OTOP1: variants seen among roughly 807,000 people sequenced by gnomAD.
The protein encoded by OTOP1 is otopetrin 1.
In OTOP1, 59 loss-of-function variants were observed where a neutral mutation model predicts 52.9. The ratio of observed to expected loss-of-function variants is 1.12; its 90% CI spans 0.91 to 1.39. OTOP1 has a LOEUF of 1.39. Among genes scored for constraint, OTOP1 ranks in the 40% most tolerant of loss-of-function variants. OTOP1 has a pLI of 0.00. For synonymous variants in OTOP1, 317 were observed against 337.7 expected (o/e 0.94, Z 0.67); for missense variants, 761 against 800.9 (o/e 0.95, Z 0.60).
At chr4:4,202,896 C>T (rs1716821981) in intron 3 of OTOP1, among the ~76,000 whole-genome samples, 1 of 152,206 alleles carries the variant, frequency 6.6e-6, no homozygotes, top group Non-Finnish European at 1.5e-5. Context: ...AGCAGACAAC[C>T]CACCCCACCA....
At chr4:4,213,069 T>G in intron 1 of OTOP1, 65 bp from the exon 2 acceptor site, 2 of 1,556,162 alleles carry the variant, frequency 1.3e-6, no homozygotes, top group Non-Finnish European at 1.8e-6. Context: ...TGATGTCATT[T>G]CAAAATAAAT....
chr4:4,221,049 T>C (rs1350092673), intron 1 of OTOP1, among the ~76,000 whole-genome samples: 1 of 14,998 alleles, frequency 6.7e-5, no homozygotes, highest in Non-Finnish European at 1.7e-4. Context: ...TATTCTATTT[T>C]ATTTTATTTT....
At chr4:4,198,902 C>G (rs1208052176) in intron 4 of OTOP1, among the ~76,000 whole-genome samples, 1 of 152,172 alleles carries the variant, frequency 6.6e-6, no homozygotes, top group Non-Finnish European at 1.5e-5. Flanking sequence ...ATCAAAGAGT[C>G]AGGTAAGGCC....
At chr4:4,204,079 G>C (rs7685199) in intron 3 of OTOP1, among the ~76,000 whole-genome samples, 1 of 152,160 alleles carries the variant, frequency 6.6e-6, no homozygotes, top group African/African-American at 2.4e-5. Context: ...TGGTGCAACC[G>C]CATCCTCAAC....
At chr4:4,195,329 T>C (rs1171661353) in intron 5 of OTOP1, among the ~76,000 whole-genome samples, 1 of 152,242 alleles carries the variant, frequency 6.6e-6, no homozygotes, top group African/African-American at 2.4e-5. Flanking sequence ...CCTGGTGAAC[T>C]TCCAGTCATT....
At chr4:4,205,848 C>T (rs1185137490) in intron 3 of OTOP1, among the ~76,000 whole-genome samples, 1 of 152,186 alleles carries the variant, frequency 6.6e-6, no homozygotes, top group Non-Finnish European at 1.5e-5. Flanking sequence ...GATGCAGATT[C>T]GGCTTCAAAA....
At chr4:4,207,830 A>G (rs185325873) in intron 2 of OTOP1, among the ~76,000 whole-genome samples, 6 of 152,346 alleles carry the variant, frequency 3.9e-5, no homozygotes, top group Non-Finnish European at 8.8e-5. Context: ...TCTGGGAGAC[A>G]GGTCTGTGCC....
At chr4:4,225,683 GCATCCA>G (rs1266349774) in intron 1 of OTOP1, among the ~76,000 whole-genome samples, 1 of 151,750 alleles carries the variant, frequency 6.6e-6, no homozygotes, top group Non-Finnish European at 1.5e-5. Context: ...GCCCCACCCT[GCATCCA>G]CGCATTCATT....
chr4:4,209,252 G>A (rs1560208571), intron 2 of OTOP1, among the ~76,000 whole-genome samples: 1 of 152,094 alleles, frequency 6.6e-6, no homozygotes, highest in East Asian at 1.9e-4. Context: ...GATATCTACA[G>A]GTTTGGCAGT....
chr4:4,220,066 C>G (rs1455590142), intron 1 of OTOP1, among the ~76,000 whole-genome samples: 1 of 123,492 alleles, frequency 8.1e-6, no homozygotes, highest in Non-Finnish European at 1.6e-5. Flanking sequence ...CGTGTATATA[C>G]ATATATATGT....
At chr4:4,218,960 A>T (rs1717211560) in intron 1 of OTOP1, among the ~76,000 whole-genome samples, 1 of 152,146 alleles carries the variant, frequency 6.6e-6, no homozygotes, top group Non-Finnish European at 1.5e-5. Context: ...TATGCATCTG[A>T]TTATGAGAGT....
chr4:4,203,144 T>C (rs1279147654), intron 3 of OTOP1, among the ~76,000 whole-genome samples: 1 of 152,276 alleles, frequency 6.6e-6, no homozygotes. Context: ...TTTAGTCTAA[T>C]GGGCACTACA....
At chr4:4,194,489 C>T (rs753651819) in intron 5 of OTOP1, among the ~76,000 whole-genome samples, 124 of 152,360 alleles carry the variant, frequency 8.1e-4, no homozygotes, top group Non-Finnish European at 3.1e-4. Context: ...TCCTCACTGC[C>T]TAGCAAACTG....
At chr4:4,194,000 C>G (rs1275334789) in intron 5 of OTOP1, among the ~76,000 whole-genome samples, 1 of 152,146 alleles carries the variant, frequency 6.6e-6, no homozygotes, top group Non-Finnish European at 1.5e-5. Context: ...CCACCCTGAC[C>G]AACCTAGTGA....
intron 1 of OTOP1, among the ~76,000 whole-genome samples, chr4:4,224,991 T>A (rs1259896098): frequency 6.6e-6 from 1 of 152,210 alleles, no homozygotes; most frequent in Non-Finnish European, 1.5e-5. Context: ...CAGTTTGAGA[T>A]CCCCATTCTA....
intron 5 of OTOP1, among the ~76,000 whole-genome samples, chr4:4,191,008 G>A (rs1716491563): frequency 6.6e-6 from 1 of 152,084 alleles, no homozygotes; most frequent in African/African-American, 2.4e-5. Flanking sequence ...CCACATCCAA[G>A]AACCCCAGGC....
chr4:4,200,853 C>G (rs538847581), intron 4 of OTOP1, among the ~76,000 whole-genome samples: 3 of 151,944 alleles, frequency 2.0e-5, no homozygotes, highest in Admixed American at 2.0e-4. Context: ...TCACTGCCCC[C>G]GATAATAATC....
At chr4:4,222,398 C>G (rs1324585123) in intron 1 of OTOP1, among the ~76,000 whole-genome samples, 1 of 152,090 alleles carries the variant, frequency 6.6e-6, no homozygotes, top group Non-Finnish European at 1.5e-5. Context: ...GCATCCTTCT[C>G]TCTTCTGGAC....
Position 4,206,103 on chromosome 4 carries a change from C to A in OTOP1, c.568G>T (p.Asp190Tyr). ...QVYFLWGHAK[D>Y]IIQSFKTLER... ...AGTGTTTTGAAAGACTGGATAATAT[C>A]CTTTGCATGCCCCCAAAGAAAATAT... is the stretch of plus-strand genomic sequence containing the variant. The change falls in exon 3 of 6, where the codon GAT becomes TAT. Residue 190 changes from aspartate to tyrosine, a missense_variant. This residue lies in a region of OTOP1 where 632 missense variants were observed against 619.5 expected (regional missense o/e 1.02). Coordinates refer to ENST00000296358, the MANE Select transcript of OTOP1 (RefSeq NM_177998.3). 1 of 1,607,802 alleles carries A rather than the reference C, an allele frequency of 6.2e-7. No individual in the cohort carries two copies. Among genetic ancestry groups the A allele is most frequent in the Non-Finnish European group, 8.5e-7 (1 of 1,174,522 alleles).
Sources: allele counts gnomAD v4.1 joint callset (sites outside exome capture counted in the v4.1 genomes callset), GRCh38; gene constraint gnomAD v4.1.1; regional missense constraint gnomAD v4.1.1; transcripts MANE v1.5; gene names NCBI Gene and HGNC (gene_info 2026-07-23, HGNC 2026-07-21).